Variants in RBM4B observed in about 807,000 individuals in gnomAD.
RBM4B encodes the protein RNA binding motif protein 4B.
RBM4B carries 13 observed loss-of-function variants against 28.5 expected under a neutral mutation model. The observed-to-expected ratio is 0.46, with a 90% CI of 0.30 to 0.72. The LOEUF is 0.72. Among genes scored for constraint, RBM4B ranks in the 30% least tolerant of loss-of-function variants. The pLI is 0.09. For synonymous variants in RBM4B, 167 were observed against 179.1 expected, an observed-to-expected ratio of 0.93 and a Z score of 0.54; for missense variants, 387 against 477.6, an observed-to-expected ratio of 0.81 and a Z score of 1.77.
chr11:66,665,539 T>C lies in RBM4B; in HGVS notation c.*49A>G. 6.7e-7 allele frequency: 1 copy of C among 1,500,610 alleles called. No individual in the cohort carries two copies. The highest frequency in any genetic ancestry group is 1.2e-5 in the South Asian group (1 of 83,338). 93.0% of individuals were successfully genotyped at this position (1,500,610 alleles called of 1,614,324 possible). On this transcript the variant is annotated 3_prime_UTR_variant, in exon 4 of 4. Coordinates refer to ENST00000310046, the MANE Select transcript of RBM4B (RefSeq NM_031492.4). ...GGACCGCGCGGAGCAAGTTCTCATA[T>C]ATGACCGCAGCCCGAGGGTTCAGTC...
In RBM4B at chr11:66,675,832, C is replaced by A. The variant is rs547629209; in HGVS notation, c.412+836G>T. 6.6e-5 allele frequency: 10 copies of A among 152,288 alleles called. 1 individual carries two copies. The South Asian group carries it at 2.1e-3, about 32-fold the overall frequency. 9.4% of individuals were successfully genotyped at this position (152,288 alleles called of 1,614,324 possible). On this transcript the variant is annotated intron_variant, in intron 2 of 3. Transcript: ENST00000310046. ...ACGTGTCTGGTATACACTTGAAAAA[C>A]TGAATTTTAAATTTTATCTAATCTG...
At chr11:66,669,832 C>T (rs965433304) in intron 2 of RBM4B, among the ~76,000 whole-genome samples, 3 of 152,252 alleles carry the variant, frequency 2.0e-5, no homozygotes, top group Admixed American at 2.0e-4. Context: ...CAGGAATAGA[C>T]CAGACTCCCT....
At chr11:66,669,554 C>T (rs1320086400) in intron 2 of RBM4B, among the ~76,000 whole-genome samples, 1 of 152,124 alleles carries the variant, frequency 6.6e-6, no homozygotes, top group Non-Finnish European at 1.5e-5. Context: ...TCAAGCAATT[C>T]TCCTGCCTCA....
chr11:66,668,665 G>A lies in RBM4B; in HGVS notation c.1039C>T (p.Arg347Trp), dbSNP rs759274499. ...CGGGCTCGGTCCACATACTGCTCCC[G>A]TTCATACCGGGCCATGTCATACAGA... is the stretch of plus-strand genomic sequence containing the variant. ...NSLYDMARYE[R>W]EQYVDRARYS... Residue 347 changes from arginine to tryptophan, a missense_variant, in exon 3 of 4, where the codon CGG (arginine) becomes TGG (tryptophan). Arg to Trp is a moderately radical substitution (Grantham distance 101). Around this residue, in one of 2 missense-constraint regions of RBM4B, gnomAD observed 226 missense variants for 220.6 expected, o/e 1.02. Transcript: ENST00000310046. The A allele has an allele frequency of 2.2e-5, 36 of 1,613,538 alleles. No homozygotes were observed. Among genetic ancestry groups the A allele is most frequent in the East Asian group, 4.5e-5 (2 of 44,890 alleles).
chr11:66,677,250 G>C (rs184908253), intron 1 of RBM4B, 159 bp from the exon 2 acceptor site: 7 of 892,458 alleles, frequency 7.8e-6, no homozygotes, highest in Non-Finnish European at 3.3e-6. Context: ...GTTTGTTCTC[G>C]AGAAGTGCGA....
At chr11:66,672,504 T>C (rs111758252) in intron 2 of RBM4B, among the ~76,000 whole-genome samples, 5,398 of 144,658 alleles carry the variant, frequency 0.037, 144 homozygotes, top group Non-Finnish European at 0.058. Flanking sequence ...ATTAATTTTT[T>C]TGGGGGGGGG....
chr11:66,665,750 A>C, intron 3 of RBM4B, 172 bp from the exon 4 acceptor site: 2 of 1,316,136 alleles, frequency 1.5e-6, no homozygotes, highest in Non-Finnish European at 2.1e-6. Flanking sequence ...GGAGTCTATC[A>C]ATAGCTATAT....
intron 2 of RBM4B, chr11:66,675,529 A>G (rs1449158503): frequency 6.6e-6 from 1 of 152,194 alleles, no homozygotes. Flanking sequence ...TTCTCTGGTC[A>G]ACTTTTCCTC....
At chr11:66,672,516 G>T (rs993923386) in intron 2 of RBM4B, among the ~76,000 whole-genome samples, 3 of 147,694 alleles carry the variant, frequency 2.0e-5, no homozygotes, top group Non-Finnish European at 4.5e-5. Flanking sequence ...GGGGGGGGGG[G>T]ACAGATTCTT....
At chr11:66,672,406 TAAAA>T (rs539171629) in intron 2 of RBM4B, among the ~76,000 whole-genome samples, 15 of 59,028 alleles carry the variant, frequency 2.5e-4, no homozygotes, top group African/African-American at 9.2e-4. Context: ...CAAGACTGTC[TAAAA>T]AAAAAAAAAA....
intron 3 of RBM4B, chr11:66,666,135 CAGTTCCAGT>C (rs1170663874): frequency 1.3e-6 from 1 of 760,006 alleles, no homozygotes; most frequent in Non-Finnish European, 2.0e-6. Context: ...GTGAGAGCCA[CAGTTCCAGT>C]AGTTCCCCTA....
intron 2 of RBM4B, among the ~76,000 whole-genome samples, chr11:66,669,701 C>T (rs1321624641): frequency 6.6e-6 from 1 of 152,190 alleles, no homozygotes; most frequent in Non-Finnish European, 1.5e-5. Context: ...CCGCCTTGGC[C>T]TCCCAAAGTG....
At chr11:66,665,698 C>T (rs1303853218) in intron 3 of RBM4B, 120 bp from the exon 4 acceptor site, 2 of 1,480,348 alleles carry the variant, frequency 1.4e-6, no homozygotes, top group Admixed American at 4.3e-5. Context: ...AAAACAAAAC[C>T]AAGTCAGACT....
At chr11:66,676,599 G>A (rs1326503782) in intron 2 of RBM4B, 69 bp downstream of exon 2, 2 of 1,549,896 alleles carry the variant, frequency 1.3e-6, no homozygotes, top group African/African-American at 2.7e-5. Context: ...AAGTTCTATA[G>A]TCTTGTGTTC....
intron 3 of RBM4B, chr11:66,667,484 C>A (rs1376511630): frequency 6.6e-6 from 1 of 152,102 alleles, no homozygotes; most frequent in Admixed American, 6.5e-5. Flanking sequence ...CAAATGACAG[C>A]ATAACAGACT....
intron 2 of RBM4B, among the ~76,000 whole-genome samples, chr11:66,673,042 G>GA (rs948458686): frequency 6.6e-6 from 1 of 152,150 alleles, no homozygotes; most frequent in African/African-American, 2.4e-5. Flanking sequence ...AGCTGTAACA[G>GA]AAAAGAGCAT....
At chr11:66,671,794 G>A (rs1308903785) in intron 2 of RBM4B, among the ~76,000 whole-genome samples, 2 of 152,180 alleles carry the variant, frequency 1.3e-5, no homozygotes, top group Admixed American at 1.3e-4. Flanking sequence ...AGGCTGGAGT[G>A]CAGTGGCGAA....
intron 3 of RBM4B, chr11:66,666,500 G>T: frequency 1.0e-6 from 1 of 970,666 alleles, no homozygotes; most frequent in Non-Finnish European, 1.2e-6. Flanking sequence ...ACACCTGGAA[G>T]GTAAGTTTCT....
At position 66,665,016 on chromosome 11, in the gene RBM4B, T is replaced by A. The variant is rs1939172343; in HGVS notation, c.*572A>T. The stretch of plus-strand genomic sequence containing the variant: ...AAAGATATTTAAGTGTTAGAAACAT[T>A]TATTTGTCAAAAAATTTTTTTAAAA... On this transcript the variant is annotated 3_prime_UTR_variant, in exon 4 of 4. Coordinates refer to ENST00000310046, the MANE Select transcript of RBM4B (RefSeq NM_031492.4). 1 of 152,430 alleles carries A rather than the reference T, an allele frequency of 6.6e-6. No homozygotes were observed. Among genetic ancestry groups the A allele is most frequent in the Non-Finnish European group, 1.5e-5 (1 of 68,214 alleles). 9.4% of individuals were successfully genotyped at this position (152,430 alleles called of 1,614,324 possible). A position where few individuals can be genotyped will look rare whatever the true frequency, so the allele number is the denominator to read the frequency against.
Sources: gnomAD v4.1 joint callset for allele counts (sites outside exome capture counted in the v4.1 genomes callset) on GRCh38, gnomAD v4.1.1 for gene constraint, gnomAD v4.1.1 regional missense constraint, MANE v1.5 for transcripts, NCBI Gene and HGNC (gene_info 2026-07-23, HGNC 2026-07-21) for gene names.